OAS2: variants seen among roughly 807,000 people sequenced by gnomAD.
OAS2 encodes the protein 2'-5'-oligoadenylate synthetase 2.
Under a neutral mutation model 71.3 loss-of-function variants are expected in OAS2, and 67 were observed. The ratio of observed to expected loss-of-function variants is 0.94; its 90% CI spans 0.77 to 1.15. The LOEUF is 1.15. Ranked by LOEUF, OAS2 falls within the 50% of genes most tolerant of loss-of-function variation. The pLI is 0.00. For synonymous variants in OAS2, 327 were observed against 321.8 expected, an observed-to-expected ratio of 1.02 and a Z score of -0.17; for missense variants, 789 against 822.5, an observed-to-expected ratio of 0.96 and a Z score of 0.50.
chr12:112,998,286 T>C lies in OAS2; in HGVS notation c.884T>C (p.Val295Ala). 1 of 1,613,178 alleles carries C rather than the reference T, an allele frequency of 6.2e-7. No homozygotes were observed. Among genetic ancestry groups the C allele is most frequent in the Non-Finnish European group, 8.5e-7 (1 of 1,179,612 alleles). Residue 295 changes from valine (V) to alanine (A), a missense_variant, in exon 5 of 10, where the codon GTT (valine) becomes GCT (alanine). Transcript: ENST00000392583. ...QSARPVILDP[V>A]DPTNNVSGDK... ...CACAGGCCAGTAATCTTGGATCCAG[T>C]TGACCCAACCAATAATGTGAGTGGA...
chr12:112,988,944 G>A (rs1030343919), intron 2 of OAS2: 1 of 162,094 alleles, frequency 6.2e-6, no homozygotes, highest in African/African-American at 2.4e-5. Context: ...TATTTAGAAA[G>A]TATATTTGCC....
At chr12:113,007,174 G>A (rs1313122644) in intron 8 of OAS2, among the ~76,000 whole-genome samples, 1 of 152,168 alleles carries the variant, frequency 6.6e-6, no homozygotes, top group Admixed American at 6.5e-5. Flanking sequence ...CCTCATGACA[G>A]TAAACATCAA....
chr12:112,988,603 C>T, intron 2 of OAS2: 3 of 985,340 alleles, frequency 3.0e-6, no homozygotes, highest in Non-Finnish European at 3.6e-6. Flanking sequence ...AAGGAGGCAG[C>T]TTTAGGCTAA....
Position 112,987,138 on chromosome 12 carries a change from G to A in OAS2, c.278G>A (p.Ser93Asn). The change falls in exon 2 of 10, where the codon AGC becomes AAC. Residue 93 changes from serine (S) to asparagine (N), a missense_variant. By Grantham distance (46) the Ser-to-Asn change is conservative (BLOSUM62 1). Coordinates refer to ENST00000392583, the MANE Select transcript of OAS2 (RefSeq NM_002535.3). ...DLKQFQDQKR[S>N]QRDILDKTGD... ...AAACAATTCCAGGATCAGAAGAGAA[G>A]CCAACGTGACATCCTCGATAAAACT... The A allele has an allele frequency of 6.2e-7, 1 of 1,614,196 alleles. No individual in the cohort carries two copies.
rs1450851561 is a variant in OAS2 at position 113,010,804 on chromosome 12, G to A, written c.*1549G>A. ...AAAAGGAATCCTCTGTGTCTTCAAA[G>A]CAAAGCTCTTTACTTTCCCCTTGGT... On this transcript the variant is annotated 3_prime_UTR_variant, in exon 10 of 10. Transcript: ENST00000392583. The A allele has an allele frequency of 3.3e-5, 6 of 183,302 alleles. No homozygotes were observed. The highest frequency in any genetic ancestry group is 1.4e-4 in the African/African-American group (6 of 41,860). 11.4% of individuals were successfully genotyped at this position (183,302 alleles called of 1,614,324 possible). A position where few individuals can be genotyped will look rare whatever the true frequency, so the allele number is the denominator to read the frequency against.
chr12:112,987,479 T>C (rs2044150322), intron 2 of OAS2, 171 bp downstream of exon 2: 2 of 1,445,586 alleles, frequency 1.4e-6, no homozygotes, highest in East Asian at 2.5e-5. Context: ...CTCTCTTCTC[T>C]GGAACTAACT....
intron 7 of OAS2, 70 bp from the exon 8 acceptor site, chr12:113,006,343 C>A (rs2044334591): frequency 1.5e-6 from 2 of 1,293,094 alleles, no homozygotes; most frequent in South Asian, 1.9e-5. Flanking sequence ...TCATATTTGT[C>A]AAAAATGTTT....
intron 2 of OAS2, among the ~76,000 whole-genome samples, chr12:112,990,763 T>C (rs565756510): frequency 1.5e-4 from 23 of 152,354 alleles, no homozygotes; most frequent in Non-Finnish European, 3.2e-4. Flanking sequence ...GTCATACTGC[T>C]ACAAAGAGTC....
At chr12:112,999,328 A>T (rs1372080841) in intron 5 of OAS2, among the ~76,000 whole-genome samples, 7 of 152,198 alleles carry the variant, frequency 4.6e-5, no homozygotes, top group Admixed American at 4.6e-4. Context: ...GCCATCCAAG[A>T]AGAACCTTCC....
At position 112,987,082 on chromosome 12, in the gene OAS2, T is replaced by C. The variant is rs371315216; in HGVS notation, c.222T>C (p.Asp74=). ...GRKTVLRGNS[D]GTLVLFFSDL... is the part of the protein sequence containing the mutation. Reference sequence around the variant, plus strand: ...AAACAGTCTTAAGAGGCAACTCCGATGGTACCCTTGTCCTCTTCTTCAGTG... The same window carrying C: ...AAACAGTCTTAAGAGGCAACTCCGACGGTACCCTTGTCCTCTTCTTCAGTG... Residue 74 remains aspartate, a synonymous_variant, in exon 2 of 10, where the codon GAT becomes GAC. Coordinates refer to ENST00000392583, the MANE Select transcript of OAS2 (RefSeq NM_002535.3). 211 of 1,614,014 alleles carry C rather than the reference T, an allele frequency of 1.3e-4. No individual in the cohort carries two copies. The highest frequency in any genetic ancestry group is 1.7e-4 in the Non-Finnish European group (206 of 1,179,976).
rs755265450 is a variant in OAS2 at position 112,997,727 on chromosome 12, A to T, written c.835A>T (p.Ile279Phe). Reference sequence around the variant, plus strand: ...CTTTGAAGATGAGACCATCAGGAACATCCTGCTGCACCAGCTCCAATCAGC... The same window carrying T: ...CTTTGAAGATGAGACCATCAGGAACTTCCTGCTGCACCAGCTCCAATCAGC... ...YNFEDETIRN[I>F]LLHQLQSARP... Residue 279 changes from isoleucine to phenylalanine, a missense_variant, in exon 4 of 10, where the codon ATC (isoleucine) becomes TTC (phenylalanine). By Grantham distance (21) the Ile-to-Phe change is conservative (BLOSUM62 0). Transcript: ENST00000392583. The T allele has an allele frequency of 6.2e-7, 1 of 1,606,990 alleles. No individual in the cohort carries two copies. The highest frequency in any genetic ancestry group is 1.1e-5 in the South Asian group (1 of 89,972).
intron 2 of OAS2, 131 bp downstream of exon 2, chr12:112,987,439 G>A: frequency 6.8e-7 from 1 of 1,465,986 alleles, no homozygotes; most frequent in East Asian, 2.5e-5. Context: ...AGACCCTCAG[G>A]AGAGAAGAAT....
At chr12:113,009,052 T>C (rs1203297398) in intron 9 of OAS2, 35 bp from the exon 10 acceptor site, 1 of 1,589,858 alleles carries the variant, frequency 6.3e-7, no homozygotes, top group Non-Finnish European at 8.5e-7. Context: ...CACTGGGATT[T>C]GGAATCTCCT....
intron 5 of OAS2, among the ~76,000 whole-genome samples, chr12:113,001,999 C>T (rs886585975): frequency 7.2e-5 from 11 of 151,966 alleles, no homozygotes; most frequent in Non-Finnish European, 1.3e-4. Context: ...GGCACCACTG[C>T]CCCCCAGCTT....
chr12:113,008,502 T>C (rs1367778330), intron 9 of OAS2, among the ~76,000 whole-genome samples: 3 of 152,228 alleles, frequency 2.0e-5, no homozygotes, highest in Non-Finnish European at 4.4e-5. Context: ...ATATTTTAGC[T>C]GACATAGCAA....
At chr12:113,002,440 C>T (rs955009562) in intron 5 of OAS2, among the ~76,000 whole-genome samples, 1 of 152,220 alleles carries the variant, frequency 6.6e-6, no homozygotes, top group African/African-American at 2.4e-5. Context: ...GTTATGGCAG[C>T]CTTTGGAAAC....
At chr12:113,005,554 A>G (rs2044324446) in intron 7 of OAS2, among the ~76,000 whole-genome samples, 1 of 150,776 alleles carries the variant, frequency 6.6e-6, no homozygotes, top group South Asian at 2.1e-4. Flanking sequence ...CTGAAAACAA[A>G]CAAACAAACA....
rs2044380326 is a variant in OAS2 at position 113,011,510 on chromosome 12, G to C, written c.*2255G>C. 1 of 152,204 alleles carries C rather than the reference G, an allele frequency of 6.6e-6. No homozygotes were observed. Among genetic ancestry groups the C allele is most frequent in the Non-Finnish European group, 1.5e-5 (1 of 68,036 alleles). The allele number at this position is 152,204 out of a possible 1,614,324, so 9.4% of individuals were successfully genotyped here. A position where few individuals can be genotyped will look rare whatever the true frequency, so the allele number is the denominator to read the frequency against. On this transcript the variant is annotated 3_prime_UTR_variant, in exon 10 of 10. Transcript: ENST00000392583. ...CAGTGATTTAAGCAATGCTGCCTAT[G>C]TAAAGAAACCCCAATAAAAACTCTG...
intron 4 of OAS2, 41 bp downstream of exon 4, chr12:112,997,796 C>T (rs369952199): frequency 3.1e-5 from 43 of 1,406,078 alleles, no homozygotes; most frequent in African/African-American, 1.6e-4. Flanking sequence ...CCTCATCATC[C>T]GCATGCCAGG....
Sources: gnomAD v4.1 joint callset for allele counts (sites outside exome capture counted in the v4.1 genomes callset) on GRCh38, gnomAD v4.1.1 for gene constraint, MANE v1.5 for transcripts, NCBI Gene and HGNC (gene_info 2026-07-23, HGNC 2026-07-21) for gene names.